Variants in SPMIP4 observed in about 807,000 individuals in gnomAD.
The protein encoded by SPMIP4 is sperm-associated microtubule inner protein 4.
At chr7:25,168,086 T>C in the SPMIP4 span, among the ~76,000 whole-genome samples, 1 of 152,258 alleles carries the variant, frequency 6.6e-6, no homozygotes, top group South Asian at 2.1e-4. Flanking sequence ...CTGATCACAA[T>C]ATTTTAACAT....
the SPMIP4 span, among the ~76,000 whole-genome samples, chr7:25,130,440 G>A: frequency 5.3e-5 from 8 of 151,038 alleles, no homozygotes; most frequent in Non-Finnish European, 1.2e-4. Flanking sequence ...AGCCTCTCAA[G>A]TAGCTGGGAT....
the SPMIP4 span, chr7:25,135,389 C>A: frequency 1.2e-5 from 12 of 985,268 alleles, no homozygotes; most frequent in Non-Finnish European, 1.3e-5. Flanking sequence ...ATTTTTTTCG[C>A]TGACTTATTT....
the SPMIP4 span, among the ~76,000 whole-genome samples, chr7:25,128,008 T>C: frequency 6.6e-6 from 1 of 152,352 alleles, no homozygotes; most frequent in South Asian, 2.1e-4. The surrounding 1 kb of genome is among the most constrained non-coding windows in gnomAD (Gnocchi z 4.5). Context: ...GAGAATTACC[T>C]GGATTACCAG....
the SPMIP4 span, among the ~76,000 whole-genome samples, chr7:25,177,933 T>G: frequency 6.4e-4 from 97 of 152,278 alleles, 1 homozygote; most frequent in East Asian, 0.017. Context: ...ACCCAAGAGG[T>G]AGTTTTCTGA....
At chr7:25,176,406 G>A in the SPMIP4 span, among the ~76,000 whole-genome samples, 1 of 152,160 alleles carries the variant, frequency 6.6e-6, no homozygotes, top group Non-Finnish European at 1.5e-5. The surrounding 1 kb of genome is among the most constrained non-coding windows in gnomAD (Gnocchi z 4.4). Context: ...TTTGACTCAA[G>A]GGAAGCTCTG....
chr7:25,156,386 G>T, the SPMIP4 span, among the ~76,000 whole-genome samples: 2 of 152,010 alleles, frequency 1.3e-5, no homozygotes, highest in African/African-American at 2.4e-5. Flanking sequence ...CAAGAAATAT[G>T]ACCTAACAAA....
the SPMIP4 span, among the ~76,000 whole-genome samples, chr7:25,153,639 A>T: frequency 3.3e-5 from 5 of 152,232 alleles, no homozygotes; most frequent in Non-Finnish European, 5.9e-5. Flanking sequence ...TACTTCAGAT[A>T]ATTTCAGAAA....
the SPMIP4 span, chr7:25,126,040 G>A: frequency 3.3e-6 from 2 of 602,008 alleles, no homozygotes; most frequent in Non-Finnish European, 2.0e-6. Context: ...ATTTTTATGA[G>A]TACGAAGTAG....
At chr7:25,179,145 C>A in the SPMIP4 span, 18 of 1,573,510 alleles carry the variant, frequency 1.1e-5, 1 homozygote, top group Admixed American at 3.4e-4. Flanking sequence ...ACTGCTTTTT[C>A]TTGTTTGCTT....
chr7:25,157,795 G>A, the SPMIP4 span, among the ~76,000 whole-genome samples: 352 of 152,176 alleles, frequency 2.3e-3, 2 homozygotes, highest in African/African-American at 8.1e-3. Flanking sequence ...GAAAAACTGA[G>A]GAAATCTGGA....
chr7:25,136,586 C>A, the SPMIP4 span: 2,160 of 1,614,106 alleles, frequency 1.3e-3, 22 homozygotes, highest in African/African-American at 0.023. The surrounding 1 kb of genome is among the most constrained non-coding windows in gnomAD (Gnocchi z 5.7). Flanking sequence ...TGGGTCACAC[C>A]GGCTGGTATG....
chr7:25,144,028 T>C, the SPMIP4 span, among the ~76,000 whole-genome samples: 1 of 152,142 alleles, frequency 6.6e-6, no homozygotes, highest in African/African-American at 2.4e-5. Flanking sequence ...AAACTGGGCC[T>C]TGAATGATGT....
the SPMIP4 span, among the ~76,000 whole-genome samples, chr7:25,158,854 C>CAAAA: frequency 7.6e-6 from 1 of 131,700 alleles, no homozygotes; most frequent in African/African-American, 2.9e-5. Flanking sequence ...AAGTCTGTCT[C>CAAAA]AAAAAAAAAA....
At chr7:25,170,631 C>A in the SPMIP4 span, among the ~76,000 whole-genome samples, 628 of 152,288 alleles carry the variant, frequency 4.1e-3, 9 homozygotes, top group African/African-American at 0.015. Context: ...AGATTTATCG[C>A]TATGTTTTCT....
At chr7:25,141,818 A>T in the SPMIP4 span, among the ~76,000 whole-genome samples, 1 of 151,742 alleles carries the variant, frequency 6.6e-6, no homozygotes, top group Admixed American at 6.6e-5. Context: ...GCTCATTGCA[A>T]CCTCTGCCTC....
chr7:25,159,441 T>C, the SPMIP4 span, among the ~76,000 whole-genome samples: 2 of 152,300 alleles, frequency 1.3e-5, no homozygotes, highest in East Asian at 3.9e-4. Context: ...AAAAGTCGAC[T>C]AAAGACGGGT....
chr7:25,154,186 T>C, the SPMIP4 span, among the ~76,000 whole-genome samples: 1 of 152,182 alleles, frequency 6.6e-6, no homozygotes, highest in East Asian at 1.9e-4. Context: ...GACACCGAGG[T>C]TGAGGCTGAC....
chr7:25,175,526 A>G, the SPMIP4 span, among the ~76,000 whole-genome samples: 1 of 152,182 alleles, frequency 6.6e-6, no homozygotes, highest in Non-Finnish European at 1.5e-5. Flanking sequence ...GAGTGCCATG[A>G]TGGCTGCATC....
the SPMIP4 span, among the ~76,000 whole-genome samples, chr7:25,126,407 C>G: frequency 6.6e-6 from 1 of 152,174 alleles, no homozygotes; most frequent in Non-Finnish European, 1.5e-5. Context: ...GAACTCCTGA[C>G]CTCAGGTGAT....
Sources: gnomAD v4.1 joint callset for allele counts (sites outside exome capture counted in the v4.1 genomes callset) on GRCh38, gnomAD v4.1.1 for gene constraint, Gnocchi (gnomAD v3.1) non-coding constraint, MANE v1.5 for transcripts, NCBI Gene and HGNC (gene_info 2026-07-23, HGNC 2026-07-21) for gene names.